The following FERMT1 variants were observed in gnomAD, a reference collection of about 807,000 sequenced individuals.
FERMT1 encodes fermitin family homolog 1.
A neutral mutation model predicts 85.3 loss-of-function variants in FERMT1; 60 were observed. That is an observed-to-expected ratio of 0.70 (90% CI 0.57 to 0.87). The LOEUF is 0.87. Among genes scored for constraint, FERMT1 ranks in the 40% least tolerant of loss-of-function variants. The pLI, the probability that FERMT1 is intolerant of heterozygous loss-of-function variation, is 0.00. For synonymous variants in FERMT1, 275 were observed against 301.1 expected, an observed-to-expected ratio of 0.91 and a Z score of 0.90; for missense variants, 701 against 818.9, an observed-to-expected ratio of 0.86 and a Z score of 1.76.
chr20:6,107,944 C>A (rs1982843819), intron 5 of FERMT1, among the ~76,000 whole-genome samples: 1 of 152,202 alleles, frequency 6.6e-6, no homozygotes, highest in South Asian at 2.1e-4. Context: ...CGGCTCACTG[C>A]AGCCTCTGCC....
At chr20:6,095,052 G>T (rs1600434954) in intron 8 of FERMT1, 64 bp from the exon 9 acceptor site, 1 of 873,920 alleles carries the variant, frequency 1.1e-6, no homozygotes, top group East Asian at 2.4e-5. Flanking sequence ...TACTCAACCT[G>T]CACTGTCTAA....
chr20:6,082,221 C>G (rs1006159302), intron 13 of FERMT1, among the ~76,000 whole-genome samples: 1 of 152,166 alleles, frequency 6.6e-6, no homozygotes, highest in Non-Finnish European at 1.5e-5. Flanking sequence ...GAGTTGTCAC[C>G]GGAAAGTTGT....
At chr20:6,100,812 G>C (rs1448016383) in intron 6 of FERMT1, among the ~76,000 whole-genome samples, 1 of 151,718 alleles carries the variant, frequency 6.6e-6, no homozygotes, top group Non-Finnish European at 1.5e-5. Flanking sequence ...CCTAAAGAAG[G>C]TTACAAATTT....
intron 6 of FERMT1, among the ~76,000 whole-genome samples, chr20:6,106,055 CAAA>C (rs1484694601): frequency 1.3e-5 from 2 of 151,858 alleles, no homozygotes; most frequent in Non-Finnish European, 2.9e-5. Context: ...AATGAAAAAA[CAAA>C]AACAAAAACA....
intron 5 of FERMT1, among the ~76,000 whole-genome samples, chr20:6,109,016 C>T (rs1019313308): frequency 2.6e-5 from 4 of 152,090 alleles, no homozygotes; most frequent in African/African-American, 9.7e-5. Flanking sequence ...GCTGTTAGTG[C>T]CACATTTTAA....
chr20:6,076,281 A>T lies in FERMT1; in HGVS notation c.*892T>A. 1 of 374,078 alleles carries T rather than the reference A, an allele frequency of 2.7e-6. No individual in the cohort carries two copies. The highest frequency in any genetic ancestry group is 2.0e-5 in the South Asian group (1 of 49,270). 23.2% of individuals were successfully genotyped at this position (374,078 alleles called of 1,614,324 possible). A position where few individuals can be genotyped will look rare whatever the true frequency, so the allele number is the denominator to read the frequency against. On this transcript the variant is annotated 3_prime_UTR_variant, in exon 15 of 15. Coordinates refer to ENST00000217289, the MANE Select transcript of FERMT1 (RefSeq NM_017671.5). The stretch of plus-strand genomic sequence containing the variant: ...CCTGACCAGTTGGGATAGACACCTG[A>T]CTGGAATCCTTGACACTGGCAGGTG...
chr20:6,076,164 CAGACCAGCCTAAAGCCCCTGTG>C lies in FERMT1; in HGVS notation c.*987_*1008del, dbSNP rs1367431602. The C allele has an allele frequency of 1.9e-5, 5 of 265,236 alleles. No individual in the cohort carries two copies. Among genetic ancestry groups the C allele is most frequent in the African/African-American group, 1.1e-4 (5 of 44,514 alleles). 16.4% of individuals were successfully genotyped at this position (265,236 alleles called of 1,614,324 possible). A position where few individuals can be genotyped will look rare whatever the true frequency, so the allele number is the denominator to read the frequency against. On this transcript the variant is annotated 3_prime_UTR_variant, in exon 15 of 15. Coordinates refer to ENST00000217289, the MANE Select transcript of FERMT1 (RefSeq NM_017671.5). ...ATAAGAGGGACGCTTCCCCATGACC[CAGACCAGCCTAAAGCCCCTGTG>C]GGGGCAGCCAGTGGGGAGCTGTCAG... is the stretch of plus-strand genomic sequence containing the variant.
At chr20:6,102,441 C>T (rs1216708409) in intron 6 of FERMT1, among the ~76,000 whole-genome samples, 1 of 151,930 alleles carries the variant, frequency 6.6e-6, no homozygotes, top group East Asian at 1.9e-4. Context: ...CTTTGGGAGG[C>T]TGAGGCAGGA....
At chr20:6,078,652 T>TG (rs148331078) in intron 14 of FERMT1, among the ~76,000 whole-genome samples, 28,416 of 148,820 alleles carry the variant, frequency 0.19, 3,564 homozygotes, top group East Asian at 0.54. Context: ...TTTTGTTTTT[T>TG]TTTTTTTTAA....
intron 9 of FERMT1, among the ~76,000 whole-genome samples, chr20:6,089,434 C>A (rs1325368009): frequency 6.6e-6 from 1 of 152,146 alleles, no homozygotes; most frequent in African/African-American, 2.4e-5. Flanking sequence ...AGAATGAGTT[C>A]ATCTACATGA....
Position 6,076,672 on chromosome 20 carries a change from G to T in FERMT1, c.*501C>A, listed in dbSNP as rs959892100. The T allele has an allele frequency of 8.9e-6, 3 of 336,068 alleles. No individual in the cohort carries two copies. Among genetic ancestry groups the T allele is most frequent in the Non-Finnish European group, 1.8e-5 (3 of 170,178 alleles). 20.8% of individuals were successfully genotyped at this position (336,068 alleles called of 1,614,324 possible). On this transcript the variant is annotated 3_prime_UTR_variant, in exon 15 of 15. Coordinates refer to ENST00000217289, the MANE Select transcript of FERMT1 (RefSeq NM_017671.5). Reference sequence around the variant, plus strand: ...CTTGGCCTCCAGGGAAAAAGTGTGTGTAGGAACTCCCTCTGCCATTTTGAA... The same window carrying T: ...CTTGGCCTCCAGGGAAAAAGTGTGTTTAGGAACTCCCTCTGCCATTTTGAA...
chr20:6,102,895 G>T (rs1476162417), intron 6 of FERMT1, among the ~76,000 whole-genome samples: 3 of 152,046 alleles, frequency 2.0e-5, no homozygotes, highest in African/African-American at 7.2e-5. Context: ...TCTTTCTTAA[G>T]AAGGGGTTAC....
intron 11 of FERMT1, among the ~76,000 whole-genome samples, chr20:6,087,289 TC>T (rs112998946): frequency 2.6e-5 from 4 of 152,088 alleles, no homozygotes; most frequent in African/African-American, 9.7e-5. Flanking sequence ...TTTCAGCACA[TC>T]TTTCAGAAAA....
intron 12 of FERMT1, 63 bp downstream of exon 12, chr20:6,085,003 C>T: frequency 6.7e-7 from 1 of 1,502,872 alleles, no homozygotes; most frequent in Non-Finnish European, 9.3e-7. Flanking sequence ...GGAAATCCTC[C>T]TTTTATTTCT....
At chr20:6,085,376 A>G (rs1982147430) in intron 11 of FERMT1, 89 bp from the exon 12 acceptor site, 2 of 1,158,782 alleles carry the variant, frequency 1.7e-6, no homozygotes. Flanking sequence ...ACCCCATTAC[A>G]GTGCAAAACC....
rs562022026 is a variant in FERMT1, at chr20:6,084,384, G to A, written c.1594-220C>T. 1.0e-3 allele frequency among the ~76,000 whole-genome samples: 155 copies of A among 152,304 alleles called. 1 individual carries two copies. Among genetic ancestry groups the A allele is most frequent in the African/African-American group, 3.5e-3 (146 of 41,582 alleles). ...ATCACCCAACACATAAACTTCTAAA[G>A]TTGGTGCAGTTGGAGAGCTCTGGGG... On this transcript the variant is annotated intron_variant, in intron 12 of 14. Transcript: ENST00000217289.
At chr20:6,077,606 G>A (rs1356695426) in intron 14 of FERMT1, among the ~76,000 whole-genome samples, 1 of 152,190 alleles carries the variant, frequency 6.6e-6, no homozygotes, top group African/African-American at 2.4e-5. Context: ...CTACAGTTTA[G>A]ATACAAGGAT....
At chr20:6,078,981 C>G (rs996372470) in intron 14 of FERMT1, among the ~76,000 whole-genome samples, 2 of 152,176 alleles carry the variant, frequency 1.3e-5, no homozygotes, top group South Asian at 4.1e-4. Flanking sequence ...CCCTTTTGGG[C>G]CTGGAATGCT....
chr20:6,120,733 C>T (rs1983249702), intron 1 of FERMT1, among the ~76,000 whole-genome samples: 1 of 152,160 alleles, frequency 6.6e-6, no homozygotes, highest in Admixed American at 6.5e-5. Flanking sequence ...TAAGAAAGGG[C>T]TTCTCTGAGG....
Sources: allele counts gnomAD v4.1 joint callset (sites outside exome capture counted in the v4.1 genomes callset), GRCh38; gene constraint gnomAD v4.1.1; transcripts MANE v1.5; gene names NCBI Gene and HGNC (gene_info 2026-07-23, HGNC 2026-07-21).